The following TPRX1 variants were observed in gnomAD, a reference collection of about 807,000 sequenced individuals.
TPRX1 encodes tetra-peptide repeat homeobox protein 1.
A neutral mutation model predicts 8.1 loss-of-function variants in TPRX1; 2 were observed. The observed-to-expected ratio is 0.25, with a 90% CI of 0.10 to 0.78. The LOEUF is 0.78. Among genes scored for constraint, TPRX1 ranks in the 30% least tolerant of loss-of-function variants. The probability of loss-of-function intolerance (pLI) is 0.70; values close to 1 mark genes in which losing one functional copy is unlikely to be tolerated. For synonymous variants in TPRX1, 257 were observed against 254.1 expected (o/e 1.01, Z -0.11); for missense variants, 517 against 586.9 (o/e 0.88, Z 1.23).
chr19:47,808,559 G>A (rs1380931846), intron 2 of TPRX1, among the ~76,000 whole-genome samples: 6 of 151,758 alleles, frequency 4.0e-5, no homozygotes, highest in South Asian at 2.1e-4. Flanking sequence ...CCTGCCTTCC[G>A]AGTAGCTGGG....
At chr19:47,805,026 C>T (rs1309382622) in intron 2 of TPRX1, among the ~76,000 whole-genome samples, 5 of 152,214 alleles carry the variant, frequency 3.3e-5, no homozygotes, top group African/African-American at 1.2e-4. Flanking sequence ...CCTGGATGAC[C>T]TTGCAACCTC....
At chr19:47,812,595 C>A (rs1285995428) in intron 2 of TPRX1, among the ~76,000 whole-genome samples, 1 of 151,894 alleles carries the variant, frequency 6.6e-6, no homozygotes, top group South Asian at 2.1e-4. Flanking sequence ...ATTAGTCGGG[C>A]ATGGTGGTGT....
intron 2 of TPRX1, among the ~76,000 whole-genome samples, chr19:47,805,323 G>A (rs1226733250): frequency 6.6e-6 from 1 of 152,142 alleles, no homozygotes; most frequent in African/African-American, 2.4e-5. Context: ...GCATAGACCT[G>A]TATCAGGAGG....
At chr19:47,817,843 CA>C (rs575047288) in intron 2 of TPRX1, among the ~76,000 whole-genome samples, 97 of 152,346 alleles carry the variant, frequency 6.4e-4, no homozygotes, top group African/African-American at 2.3e-3. Flanking sequence ...CAGCTCTTGG[CA>C]AGACCCTCCC....
rs1967869118 is a variant in TPRX1 at position 47,818,368 on chromosome 19, CATCCATCACCCA to C, written c.151+88_151+99del. 1.3e-5 allele frequency: 4 copies of C among 299,278 alleles called. No homozygotes were observed. In the African/African-American group the frequency reaches 1.8e-4, roughly 14 times the overall value. The allele number at this position is 299,278 out of a possible 1,614,324, so 18.5% of individuals were successfully genotyped here. ...TCCATCCATCCATCCATCCATCCAT[CATCCATCACCCA>C]TCCATCCCTCCATCCATCCATCCAT... On this transcript the variant is annotated intron_variant, in intron 2 of 3. Transcript: ENST00000535759.
chr19:47,807,896 C>G (rs1967748850), intron 2 of TPRX1, among the ~76,000 whole-genome samples: 1 of 151,784 alleles, frequency 6.6e-6, no homozygotes. Flanking sequence ...TCTGTGACAT[C>G]TATTAAAGGA....
chr19:47,815,121 T>TATATATATATATATATATGCAA lies in TPRX1; in HGVS notation c.151+3346_151+3347insTTGCATATATATATATATATAT, dbSNP rs1555800001. 4.9e-3 allele frequency among the ~76,000 whole-genome samples: 440 copies of TATATATATATATATATATGCAA among 90,230 alleles called. 2 individuals are homozygous for TATATATATATATATATATGCAA. Among genetic ancestry groups the TATATATATATATATATATGCAA allele is most frequent in the Admixed American group, 0.01 (88 of 8,688 alleles). The allele number at this position is 90,230 out of a possible 152,430, so 59.2% of individuals were successfully genotyped here. A position where few individuals can be genotyped will look rare whatever the true frequency, so the allele number is the denominator to read the frequency against. On this transcript the variant is annotated intron_variant, in intron 2 of 3. Coordinates refer to ENST00000535759, the Ensembl canonical transcript of TPRX1. ...GCTCAATAAATAGATAAATTATATA[T>TATATATATATATATATATGCAA]ATATATATATATATATATATATGCA... is the stretch of plus-strand genomic sequence containing the variant.
At chr19:47,816,561 C>A (rs1442632619) in intron 2 of TPRX1, among the ~76,000 whole-genome samples, 1 of 128,048 alleles carries the variant, frequency 7.8e-6, no homozygotes, top group East Asian at 2.3e-4. Context: ...GAGATGGAGT[C>A]TCACGCCGTC....
exon 4 of TPRX1, chr19:47,801,773 C>T: frequency 6.2e-7 from 1 of 1,608,072 alleles, no homozygotes; most frequent in Non-Finnish European, 8.5e-7. Context: ...GGCACAGGCC[C>T]CCTATAAATC....
chr19:47,808,710 C>T (rs938679324), intron 2 of TPRX1, among the ~76,000 whole-genome samples: 2 of 150,714 alleles, frequency 1.3e-5, no homozygotes, highest in African/African-American at 4.8e-5. Flanking sequence ...CGCACCTTGG[C>T]CTCCCAAAAT....
intron 2 of TPRX1, chr19:47,818,393 T>TCCAC: frequency 2.3e-6 from 1 of 432,768 alleles, no homozygotes. Flanking sequence ...CATCCCTCCA[T>TCCAC]CCATCCATCC....
intron 2 of TPRX1, among the ~76,000 whole-genome samples, chr19:47,809,506 C>T (rs1183127315): frequency 6.6e-6 from 1 of 152,056 alleles, no homozygotes; most frequent in Admixed American, 6.6e-5. Flanking sequence ...TGACCTCTAA[C>T]TCCTGACCTC....
At chr19:47,806,680 C>T (rs749143622) in intron 2 of TPRX1, among the ~76,000 whole-genome samples, 7 of 152,120 alleles carry the variant, frequency 4.6e-5, no homozygotes, top group Admixed American at 1.3e-4. Context: ...GAGTGAAAGA[C>T]GCCAGACTCA....
intron 2 of TPRX1, among the ~76,000 whole-genome samples, chr19:47,812,137 A>G (rs8103606): frequency 0.26 from 40,016 of 151,430 alleles, 5,662 homozygotes; most frequent in Middle Eastern, 0.36. Flanking sequence ...ATGTGCTGGG[A>G]TTACAGGAGT....
At position 47,815,163 on chromosome 19, in the gene TPRX1, T is replaced by TATGCAAATATATATATATATATA. The variant is rs201060804; in HGVS notation, c.151+3304_151+3305insTATATATATATATATATTTGCAT. On this transcript the variant is annotated intron_variant, in intron 2 of 3. Coordinates refer to ENST00000535759, the Ensembl canonical transcript of TPRX1. ...ATATATGCAAATATATATATATATATTTTTTTTTTTTGAGACAGTCTTGCT... is the reference window on the plus strand; with the variant it reads ...ATATATGCAAATATATATATATATATATGCAAATATATATATATATATATTTTTTTTTTTGAGACAGTCTTGCT... 6.4e-4 allele frequency among the ~76,000 whole-genome samples: 55 copies of TATGCAAATATATATATATATATA among 86,270 alleles called. 3 individuals are homozygous for TATGCAAATATATATATATATATA. The highest frequency in any genetic ancestry group is 1.2e-3 in the Admixed American group (8 of 6,724). 56.6% of individuals were successfully genotyped at this position (86,270 alleles called of 152,430 possible).
exon 4 of TPRX1, chr19:47,801,689 T>C (rs1967664172): frequency 1.8e-5 from 26 of 1,468,488 alleles, no homozygotes; most frequent in Non-Finnish European, 2.4e-5. Flanking sequence ...TAAAGGGTGA[T>C]GCATTCACTG....
chr19:47,818,621 G>A, intron 1 of TPRX1: 2 of 453,322 alleles, frequency 4.4e-6, no homozygotes, highest in Non-Finnish European at 8.9e-6. Flanking sequence ...GGAGCTAAGG[G>A]GGTGCAGGTA....
At position 47,802,464 on chromosome 19, in the gene TPRX1, T is replaced by G. The variant is rs565862733; in HGVS notation, c.838A>C (p.Asn280His). The change falls in exon 4 of 4, where the codon AAC becomes CAC. Residue 280 changes from asparagine (N) to histidine (H), a missense_variant. Physicochemically the swap from Asn to His is moderately conservative, Grantham distance 68. This residue lies in a region of TPRX1 where 506 missense variants were observed against 515.5 expected (regional missense o/e 0.98). Coordinates refer to ENST00000535759, the Ensembl canonical transcript of TPRX1. ...ATTGGGCCTGGGATCGGGCCTGGGT[T>G]TGGGCCTGGGATCGGGCCTGGGTTT... The G allele has an allele frequency of 4.1e-4, 629 of 1,524,640 alleles. 11 individuals are homozygous for G. The South Asian group carries it at 6.6e-3, about 16-fold the overall frequency. 94.4% of individuals were successfully genotyped at this position (1,524,640 alleles called of 1,614,324 possible).
intron 2 of TPRX1, among the ~76,000 whole-genome samples, chr19:47,814,523 T>A (rs1967813827): frequency 6.6e-6 from 1 of 152,134 alleles, no homozygotes; most frequent in Non-Finnish European, 1.5e-5. Context: ...ATCATTAACC[T>A]CTACCCTGAC....
Sources: gnomAD v4.1 joint callset for allele counts (sites outside exome capture counted in the v4.1 genomes callset) on GRCh38, gnomAD v4.1.1 for gene constraint, gnomAD v4.1.1 regional missense constraint, MANE v1.5 for transcripts, NCBI Gene and HGNC (gene_info 2026-07-23, HGNC 2026-07-21) for gene names.